The following ST7L variants were observed in gnomAD, a reference collection of about 807,000 sequenced individuals.
ST7L encodes the protein suppressor of tumorigenicity 7 protein-like.
In ST7L, 57 loss-of-function variants were observed where a neutral mutation model predicts 72.5. The ratio of observed to expected loss-of-function variants is 0.79; its 90% CI spans 0.64 to 0.98. The LOEUF (loss-of-function observed/expected upper bound fraction) is 0.98, where lower values mean the gene tolerates loss of function less well. Ranked by LOEUF, ST7L falls within the 50% of genes least tolerant of loss-of-function variation. The pLI is 0.00. For synonymous variants in ST7L, 221 were observed against 240.9 expected (o/e 0.92, Z 0.77); for missense variants, 576 against 672.2 (o/e 0.86, Z 1.58).
chr1:112,613,908 T>A (rs925095277), intron 2 of ST7L, among the ~76,000 whole-genome samples: 4 of 152,134 alleles, frequency 2.6e-5, no homozygotes, highest in Admixed American at 1.3e-4. Flanking sequence ...TTTAAAATTT[T>A]ATACAGAGAC....
rs113773478 is a variant in ST7L at position 112,610,872 on chromosome 1, T to G, written c.420A>C (p.Arg140Ser). Reference protein sequence around the residue: ...ISEPGSPSRNRENETSRQNLS... With the variant: ...ISEPGSPSRNSENETSRQNLS... Reference sequence around the variant, plus strand: ...AATTCTGTCTGCTGGTTTCATTTTCTCTGTTCCTCGAAGGAGAACCTGGTT... The same window carrying G: ...AATTCTGTCTGCTGGTTTCATTTTCGCTGTTCCTCGAAGGAGAACCTGGTT... The change falls in exon 3 of 15, where the codon AGA becomes AGC. Residue 140 changes from arginine to serine, a missense_variant. Physicochemically the swap from Arg to Ser is moderately radical, Grantham distance 110 (BLOSUM62 -1). Coordinates refer to ENST00000358039, the MANE Select transcript of ST7L (RefSeq NM_017744.5). 6.2e-7 allele frequency: 1 copy of G among 1,614,112 alleles called. No individual in the cohort carries two copies. The highest frequency in any genetic ancestry group is 8.5e-7 in the Non-Finnish European group (1 of 1,180,028).
chr1:112,603,814 G>A (rs1667791823), intron 3 of ST7L, among the ~76,000 whole-genome samples: 1 of 152,154 alleles, frequency 6.6e-6, no homozygotes, highest in Non-Finnish European at 1.5e-5. Context: ...GGAAGAGAGA[G>A]CTCTGGTATC....
chr1:112,601,548 C>G (rs1008174381), intron 3 of ST7L, among the ~76,000 whole-genome samples: 1 of 151,810 alleles, frequency 6.6e-6, no homozygotes, highest in Non-Finnish European at 1.5e-5. Context: ...CCTGGCCAGA[C>G]ACGTTTTGTT....
chr1:112,610,514 C>A, intron 3 of ST7L: 1 of 254,910 alleles, frequency 3.9e-6, no homozygotes, highest in Non-Finnish European at 7.4e-6. Flanking sequence ...AGTCTATGAC[C>A]AAGGTACCAA....
chr1:112,542,179 A>C, intron 13 of ST7L, 89 bp from the exon 14 acceptor site: 1 of 1,307,380 alleles, frequency 7.6e-7, no homozygotes, highest in Non-Finnish European at 1.0e-6. Context: ...TGTTTTTAAA[A>C]ATTAAAAAGA....
chr1:112,543,977 C>T (rs919014112), intron 13 of ST7L, among the ~76,000 whole-genome samples: 12 of 151,314 alleles, frequency 7.9e-5, no homozygotes, highest in African/African-American at 2.7e-4. Context: ...ATTTACTCAG[C>T]TATTATTTTT....
intron 14 of ST7L, among the ~76,000 whole-genome samples, chr1:112,541,597 T>C (rs1434417228): frequency 1.3e-5 from 2 of 152,146 alleles, no homozygotes; most frequent in Non-Finnish European, 1.5e-5. Context: ...AACTAATGAT[T>C]TCATTTAAAT....
chr1:112,595,925 T>TA (rs1395440126), intron 5 of ST7L, among the ~76,000 whole-genome samples: 1 of 152,216 alleles, frequency 6.6e-6, no homozygotes, highest in African/African-American at 2.4e-5. Flanking sequence ...TTTTGGGAGA[T>TA]ATTCAAATAA....
downstream of ST7L, among the ~76,000 whole-genome samples, chr1:112,518,824 G>A (rs1378479015): frequency 6.6e-6 from 1 of 152,190 alleles, no homozygotes; most frequent in Non-Finnish European, 1.5e-5. Flanking sequence ...AGAATATGGA[G>A]CCAGGAATTC....
chr1:112,548,529 A>G (rs1657546050), intron 13 of ST7L, among the ~76,000 whole-genome samples: 1 of 152,244 alleles, frequency 6.6e-6, no homozygotes, highest in Non-Finnish European at 1.5e-5. Flanking sequence ...TCAATTTGCC[A>G]TAATCTCTCC....
chr1:112,600,562 C>G (rs1196163102), intron 4 of ST7L, among the ~76,000 whole-genome samples: 1 of 151,906 alleles, frequency 6.6e-6, no homozygotes, highest in African/African-American at 2.4e-5. Context: ...TGCTACTGCA[C>G]TCCAGCCTGA....
intron 14 of ST7L, among the ~76,000 whole-genome samples, chr1:112,534,681 G>C (rs1654901567): frequency 6.6e-6 from 1 of 152,108 alleles, no homozygotes. Flanking sequence ...AGAGGACTAT[G>C]CTGGGTCTGC....
chr1:112,576,667 T>C (rs772471837), intron 11 of ST7L, among the ~76,000 whole-genome samples: 2 of 152,252 alleles, frequency 1.3e-5, no homozygotes, highest in East Asian at 1.9e-4. Context: ...GATTTAGTGA[T>C]AAGAAATATG....
chr1:112,555,345 C>A (rs1344728768), intron 12 of ST7L, among the ~76,000 whole-genome samples: 1 of 152,074 alleles, frequency 6.6e-6, no homozygotes, highest in Non-Finnish European at 1.5e-5. Context: ...GTGGGCGGAT[C>A]ACGAGATCAG....
At chr1:112,590,748 A>C (rs1478874023) in intron 6 of ST7L, among the ~76,000 whole-genome samples, 2 of 152,200 alleles carry the variant, frequency 1.3e-5, no homozygotes, top group Non-Finnish European at 2.9e-5. Flanking sequence ...AGAACTATAA[A>C]AAAATGCTGC....
intron 7 of ST7L, 44 bp downstream of exon 7, chr1:112,583,928 T>G (rs1223737398): frequency 1.3e-6 from 2 of 1,570,822 alleles, no homozygotes; most frequent in Admixed American, 2.0e-5. Flanking sequence ...ACAAGCAAAT[T>G]ACAGATGCTA....
intron 3 of ST7L, among the ~76,000 whole-genome samples, chr1:112,602,716 T>TC (rs1167145097): frequency 6.9e-6 from 1 of 145,262 alleles, no homozygotes; most frequent in African/African-American, 2.5e-5. Flanking sequence ...TTTCTTTCTT[T>TC]TTTTTTTTTT....
At chr1:112,543,090 A>T (rs1251025443) in intron 13 of ST7L, among the ~76,000 whole-genome samples, 1 of 152,136 alleles carries the variant, frequency 6.6e-6, no homozygotes, top group Non-Finnish European at 1.5e-5. Flanking sequence ...ATAAGCCACC[A>T]CACCTGGCAT....
chr1:112,612,488 A>AT (rs1279420420), intron 2 of ST7L, among the ~76,000 whole-genome samples: 3 of 152,120 alleles, frequency 2.0e-5, no homozygotes, highest in East Asian at 1.9e-4. Context: ...TAGGAATGTT[A>AT]TTTTTTTGCT....
Sources: gnomAD v4.1 joint callset for allele counts (sites outside exome capture counted in the v4.1 genomes callset) on GRCh38, gnomAD v4.1.1 for gene constraint, MANE v1.5 for transcripts, NCBI Gene and HGNC (gene_info 2026-07-23, HGNC 2026-07-21) for gene names.